The following FRMD5 variants were observed in gnomAD, a reference collection of about 807,000 sequenced individuals.
FRMD5 encodes FERM domain containing 5.
In FRMD5, 20 loss-of-function variants were observed where a neutral mutation model predicts 69.0. The observed-to-expected ratio is 0.29, with a 90% CI of 0.20 to 0.42. The LOEUF (loss-of-function observed/expected upper bound fraction) is 0.42, where lower values mean the gene tolerates loss of function less well. Ranked by LOEUF, FRMD5 falls within the 10% of genes least tolerant of loss-of-function variation. The pLI is 1.00. For missense variants in FRMD5, 595 were observed against 708.6 expected (o/e 0.84, Z 1.82); for synonymous variants, 271 against 260.1 (o/e 1.04, Z -0.40).
intron 1 of FRMD5, among the ~76,000 whole-genome samples, chr15:44,159,113 A>G (rs1031373683): frequency 6.6e-6 from 1 of 151,838 alleles, no homozygotes; most frequent in African/African-American, 2.4e-5. Context: ...TCAGAGGAAA[A>G]AGACACACAT....
At chr15:44,079,686 A>G (rs1893918341) in intron 1 of FRMD5, among the ~76,000 whole-genome samples, 1 of 152,294 alleles carries the variant, frequency 6.6e-6, no homozygotes, top group African/African-American at 2.4e-5. Flanking sequence ...ATTATTCACA[A>G]TAGGCAAATA....
At chr15:44,041,683 G>T (rs1892200183) in intron 1 of FRMD5, among the ~76,000 whole-genome samples, 1 of 152,110 alleles carries the variant, frequency 6.6e-6, no homozygotes, top group African/African-American at 2.4e-5. Context: ...AATGACTACT[G>T]GGTACATAAT....
In FRMD5 at chr15:44,122,856, A is replaced by G. The variant is rs1413641443; in HGVS notation, c.102+72097T>C. Among the ~76,000 whole-genome samples, 2 of 151,932 alleles carry G rather than the reference A, an allele frequency of 1.3e-5. 1 individual carries two copies. The highest frequency in any genetic ancestry group is 3.9e-4 in the East Asian group (2 of 5,150). On this transcript the variant is annotated intron_variant, in intron 1 of 13. Transcript: ENST00000417257. ...CAGTGAGCTGAGATCGTGCCACTGC[A>G]CTCCAGCCTGGACGACAGAGCAAGA...
At chr15:44,021,464 C>T (rs1209724231) in intron 1 of FRMD5, among the ~76,000 whole-genome samples, 1 of 151,968 alleles carries the variant, frequency 6.6e-6, no homozygotes, top group African/African-American at 2.4e-5. Context: ...ACCCAAAAGG[C>T]CAAACAATTT....
chr15:44,176,897 C>G (rs1224717963), intron 1 of FRMD5, among the ~76,000 whole-genome samples: 1 of 150,100 alleles, frequency 6.7e-6, no homozygotes, highest in African/African-American at 2.5e-5. Context: ...AACTAACCTG[C>G]ACATTGTGCA....
rs537376174 is a variant in FRMD5, at chr15:44,094,481, G to A, written c.102+100472C>T. 7.9e-5 allele frequency among the ~76,000 whole-genome samples: 12 copies of A among 152,188 alleles called. No individual in the cohort carries two copies. The East Asian group carries it at 1.3e-3, about 17-fold the overall frequency. ...CATTAGTCCTAACTAGGACATAAAC[G>A]TTTTATTGAGCCACCAAACTCCCAC... On this transcript the variant is annotated intron_variant, in intron 1 of 13. Transcript: ENST00000417257.
At chr15:43,879,893 A>G (rs2088476333) in intron 13 of FRMD5, 1 of 371,206 alleles carries the variant, frequency 2.7e-6, no homozygotes, top group Non-Finnish European at 4.8e-6. Context: ...GCAGGGAAGG[A>G]GCAGCTCTGA....
At chr15:44,133,865 T>C (rs1457703652) in intron 1 of FRMD5, among the ~76,000 whole-genome samples, 1 of 152,010 alleles carries the variant, frequency 6.6e-6, no homozygotes, top group Admixed American at 6.5e-5. Context: ...TTTTTAATAA[T>C]AGATTACAAA....
intron 1 of FRMD5, among the ~76,000 whole-genome samples, chr15:43,971,435 C>T (rs1262836664): frequency 1.3e-5 from 2 of 151,696 alleles, no homozygotes; most frequent in African/African-American, 2.4e-5. Flanking sequence ...CGGTGGCTCA[C>T]CAGCACTTTG....
chr15:44,104,982 A>G (rs2076695071), intron 1 of FRMD5, among the ~76,000 whole-genome samples: 1 of 151,850 alleles, frequency 6.6e-6, no homozygotes, highest in African/African-American at 2.4e-5. Flanking sequence ...GCTGACAGAT[A>G]TTTGGGTTAC....
chr15:44,176,304 T>A (rs2077893254), intron 1 of FRMD5, among the ~76,000 whole-genome samples: 2 of 152,280 alleles, frequency 1.3e-5, no homozygotes, highest in South Asian at 4.1e-4. Context: ...TTCAACTGAT[T>A]GCGCTGGACA....
chr15:44,154,844 A>G (rs1177184131), intron 1 of FRMD5, among the ~76,000 whole-genome samples: 1 of 152,152 alleles, frequency 6.6e-6, no homozygotes, highest in East Asian at 1.9e-4. Flanking sequence ...AAATTCTCCA[A>G]AAATTGTGGT....
At chr15:43,961,716 G>T (rs963379393) in intron 1 of FRMD5, among the ~76,000 whole-genome samples, 1 of 151,992 alleles carries the variant, frequency 6.6e-6, no homozygotes, top group Non-Finnish European at 1.5e-5. Flanking sequence ...ATGATCAAGT[G>T]GGCTTCATCC....
intron 13 of FRMD5, chr15:43,879,600 C>T (rs1006488471): frequency 2.0e-5 from 8 of 398,884 alleles, no homozygotes; most frequent in African/African-American, 4.1e-5. Context: ...ACTTAGGGGC[C>T]GAAAGCAGTG....
At chr15:43,914,256 G>T (rs1257797157) in intron 4 of FRMD5, among the ~76,000 whole-genome samples, 2 of 152,158 alleles carry the variant, frequency 1.3e-5, no homozygotes, top group Non-Finnish European at 2.9e-5. Flanking sequence ...GGCTCCTGGA[G>T]AGTTTTTTCC....
chr15:43,879,398 C>G, intron 13 of FRMD5: 1 of 397,938 alleles, frequency 2.5e-6, no homozygotes, highest in South Asian at 1.4e-4. Context: ...CACCACCTGT[C>G]CTGCCATTTC....
chr15:44,171,415 A>C (rs1288468471), intron 1 of FRMD5, among the ~76,000 whole-genome samples: 1 of 152,202 alleles, frequency 6.6e-6, no homozygotes, highest in East Asian at 1.9e-4. Context: ...ATTCAACACT[A>C]CAAGCTTTTG....
chr15:44,075,092 A>C (rs8038096), intron 1 of FRMD5, among the ~76,000 whole-genome samples: 124,764 of 152,150 alleles, frequency 0.82, 54,165 homozygotes, highest in Non-Finnish European at 0.95. Context: ...TTGGCTCTGA[A>C]TAGTATAAAA....
At chr15:43,965,064 T>C (rs900499041) in intron 1 of FRMD5, among the ~76,000 whole-genome samples, 2 of 152,198 alleles carry the variant, frequency 1.3e-5, no homozygotes, top group Non-Finnish European at 2.9e-5. Context: ...TGGAAAAGGA[T>C]AGAGCATGGC....
Sources: gnomAD v4.1 joint callset for allele counts (sites outside exome capture counted in the v4.1 genomes callset) on GRCh38, gnomAD v4.1.1 for gene constraint, MANE v1.5 for transcripts, NCBI Gene and HGNC (gene_info 2026-07-23, HGNC 2026-07-21) for gene names.